CSNK2A1: variants seen among roughly 807,000 people sequenced by gnomAD.
CSNK2A1 encodes the protein casein kinase II subunit alpha.
CSNK2A1 carries 10 observed loss-of-function variants against 62.9 expected under a neutral mutation model. The ratio of observed to expected loss-of-function variants is 0.16; its 90% CI spans 0.10 to 0.27. The LOEUF (loss-of-function observed/expected upper bound fraction) is 0.27. Among genes scored for constraint, CSNK2A1 ranks in the 10% least tolerant of loss-of-function variants. The probability of loss-of-function intolerance (pLI) is 1.00; values close to 1 mark genes in which losing one functional copy is unlikely to be tolerated. For synonymous variants in CSNK2A1, 124 were observed against 167.8 expected (o/e 0.74, Z 2.02); for missense variants, 160 against 492.0 (o/e 0.33, Z 6.38).
chr20:529,821 G>A (rs2019174017), intron 1 of CSNK2A1, among the ~76,000 whole-genome samples: 1 of 152,174 alleles, frequency 6.6e-6, no homozygotes, highest in Non-Finnish European at 1.5e-5. Context: ...GTGGGTAGAA[G>A]ACATCAACAG....
At chr20:518,004 T>C (rs957693728) in intron 2 of CSNK2A1, among the ~76,000 whole-genome samples, 7 of 152,204 alleles carry the variant, frequency 4.6e-5, no homozygotes, top group Non-Finnish European at 1.0e-4. Flanking sequence ...AGTTCCTTGT[T>C]GCCCAAGCTG....
At position 474,185 on chromosome 20, in the gene CSNK2A1, G is replaced by A. The variant is rs1379792067; in HGVS notation, c.*9776C>T. On this transcript the variant is annotated 3_prime_UTR_variant, in exon 14 of 14. Transcript: ENST00000217244. ...ATCCTCCCACCCAGCCTCCCCAGTA[G>A]CTAGCACTATAGTCACACACCACCA... 1 of 152,356 alleles carries A rather than the reference G, an allele frequency of 6.6e-6. No homozygotes were observed. Among genetic ancestry groups the A allele is most frequent in the Non-Finnish European group, 1.5e-5 (1 of 68,182 alleles). 9.4% of individuals were successfully genotyped at this position (152,356 alleles called of 1,614,324 possible).
intron 1 of CSNK2A1, among the ~76,000 whole-genome samples, chr20:530,429 C>T: frequency 6.6e-6 from 1 of 151,222 alleles, no homozygotes; most frequent in Middle Eastern, 3.5e-3. Context: ...GAAATAATGT[C>T]GCTAGGTGCA....
chr20:486,656 A>C (rs1043521311), intron 12 of CSNK2A1, 194 bp from the exon 13 acceptor site: 12 of 534,830 alleles, frequency 2.2e-5, no homozygotes, highest in Non-Finnish European at 3.9e-5. Flanking sequence ...CTTTCCTATC[A>C]AACTGTGGTA....
At chr20:541,930 A>G (rs959273169) in intron 1 of CSNK2A1, among the ~76,000 whole-genome samples, 1 of 152,212 alleles carries the variant, frequency 6.6e-6, no homozygotes, top group Non-Finnish European at 1.5e-5. Flanking sequence ...CTAAGACTGC[A>G]GGTGAACTTT....
At chr20:517,172 G>A (rs2018845064) in intron 2 of CSNK2A1, among the ~76,000 whole-genome samples, 1 of 152,222 alleles carries the variant, frequency 6.6e-6, no homozygotes, top group African/African-American at 2.4e-5. Context: ...GAAGCAAAGA[G>A]AAAAATTCAG....
chr20:502,848 C>CT, intron 4 of CSNK2A1: 1 of 151,860 alleles, frequency 6.6e-6, no homozygotes, highest in Middle Eastern at 3.4e-3. Context: ...ATTTCTCTCA[C>CT]TTTTCCCTCC....
chr20:542,093 A>C (rs183129335), intron 1 of CSNK2A1, among the ~76,000 whole-genome samples: 6 of 152,190 alleles, frequency 3.9e-5, no homozygotes, highest in Non-Finnish European at 8.8e-5. Context: ...CTTGACTATA[A>C]ATTTTACTTA....
At chr20:486,927 T>C (rs150119270) in intron 12 of CSNK2A1, 2 of 184,602 alleles carry the variant, frequency 1.1e-5, no homozygotes, top group Non-Finnish European at 2.3e-5. Flanking sequence ...AAAGTATAAA[T>C]GATTCAGTAC....
At chr20:490,349 TTTAG>T (rs761299459) in intron 9 of CSNK2A1, among the ~76,000 whole-genome samples, 19 of 122,432 alleles carry the variant, frequency 1.6e-4, no homozygotes, top group African/African-American at 6.5e-4. Flanking sequence ...TTTTTTTTTT[TTTAG>T]TTTTTTTTTT....
chr20:505,326 A>G (rs1265289597), intron 3 of CSNK2A1, 97 bp from the exon 4 acceptor site: 1 of 760,544 alleles, frequency 1.3e-6, no homozygotes, highest in Non-Finnish European at 2.1e-6. Flanking sequence ...AGAAATAAGA[A>G]GTATTTCAAA....
At chr20:523,050 TATGGAGA>T (rs1353623937) in intron 2 of CSNK2A1, among the ~76,000 whole-genome samples, 2 of 152,172 alleles carry the variant, frequency 1.3e-5, no homozygotes, top group African/African-American at 4.8e-5. Context: ...GGGAAGCATA[TATGGAGA>T]TTCTATCTGT....
intron 1 of CSNK2A1, among the ~76,000 whole-genome samples, chr20:532,569 C>G (rs1289636394): frequency 6.6e-6 from 1 of 152,030 alleles, no homozygotes; most frequent in African/African-American, 2.4e-5. Context: ...AGTTTGGATG[C>G]TGTATCCAAA....
At chr20:518,191 C>T in intron 2 of CSNK2A1, among the ~76,000 whole-genome samples, 1 of 152,122 alleles carries the variant, frequency 6.6e-6, no homozygotes. Flanking sequence ...AAAATGCAAA[C>T]CCAGAGATAT....
intron 10 of CSNK2A1, 88 bp from the exon 11 acceptor site, chr20:488,866 G>C: frequency 8.1e-7 from 1 of 1,227,214 alleles, no homozygotes; most frequent in Non-Finnish European, 1.2e-6. Context: ...TACATAAACG[G>C]GTCATCATGT....
intron 13 of CSNK2A1, among the ~76,000 whole-genome samples, chr20:485,296 G>C (rs1043575505): frequency 6.6e-6 from 1 of 150,944 alleles, no homozygotes; most frequent in Admixed American, 6.6e-5. Context: ...CGATTATCTT[G>C]CCTTAGCCTC....
intron 2 of CSNK2A1, among the ~76,000 whole-genome samples, chr20:522,715 GA>G (rs1184825630): frequency 2.0e-5 from 3 of 151,500 alleles, no homozygotes; most frequent in Non-Finnish European, 2.9e-5. Context: ...TTTATTTTTA[GA>G]GATGGGGTCT....
chr20:497,950 T>C, intron 6 of CSNK2A1, 170 bp from the exon 7 acceptor site: 1 of 570,954 alleles, frequency 1.8e-6, no homozygotes. Flanking sequence ...AGAGATACTT[T>C]GGGTCTTCAA....
rs1429750735 is a variant in CSNK2A1, at chr20:483,041, ATGTT to A, written c.*916_*919del. The A allele has an allele frequency of 4.6e-5, 7 of 152,224 alleles. No homozygotes were observed. Among genetic ancestry groups the A allele is most frequent in the Admixed American group, 4.6e-4 (7 of 15,278 alleles). 9.4% of individuals were successfully genotyped at this position (152,224 alleles called of 1,614,324 possible). ...CTCTAGCATGAAACCTGTACAGACA[ATGTT>A]TGTTTCTTTTGTAAAAAGCAGTAAG... On this transcript the variant is annotated 3_prime_UTR_variant, in exon 14 of 14. Coordinates refer to ENST00000217244, the MANE Select transcript of CSNK2A1 (RefSeq NM_177559.3).
Sources: gnomAD v4.1 joint callset for allele counts (sites outside exome capture counted in the v4.1 genomes callset) on GRCh38, gnomAD v4.1.1 for gene constraint, MANE v1.5 for transcripts, NCBI Gene and HGNC (gene_info 2026-07-23, HGNC 2026-07-21) for gene names.